Variants in RNF150 observed in about 807,000 individuals in gnomAD.
The protein encoded by RNF150 is ring finger protein 150.
A neutral mutation model predicts 39.3 loss-of-function variants in RNF150; 24 were observed. That is an observed-to-expected ratio of 0.61 (90% CI 0.44 to 0.86). The LOEUF is 0.86. Ranked by LOEUF, RNF150 falls within the 40% of genes least tolerant of loss-of-function variation. The probability of loss-of-function intolerance (pLI) is 0.00; values close to 1 mark genes in which losing one functional copy is unlikely to be tolerated. For synonymous variants in RNF150, 255 were observed against 227.3 expected, an observed-to-expected ratio of 1.12 and a Z score of -1.10; for missense variants, 502 against 587.8, an observed-to-expected ratio of 0.85 and a Z score of 1.51.
intron 1 of RNF150, among the ~76,000 whole-genome samples, chr4:141,085,178 C>T (rs561570102): frequency 2.5e-4 from 38 of 152,220 alleles, no homozygotes; most frequent in African/African-American, 7.0e-4. Context: ...TCTTACATGG[C>T]GGCAGGCAAG....
rs1490541645 is a variant in RNF150 at position 141,043,067 on chromosome 4, C to T, written c.485-75194G>A. On this transcript the variant is annotated intron_variant, in intron 1 of 6. Transcript: ENST00000515673. ...AAGTCATTTGTGGGAAATTCTTTGA[C>T]TTATTTTTATTGAAAAATATAATAT... 2.6e-5 allele frequency among the ~76,000 whole-genome samples: 4 copies of T among 152,070 alleles called. No homozygotes were observed. The South Asian group carries it at 8.3e-4, about 32-fold the overall frequency.
chr4:141,131,980 C>T (rs1163682935), intron 1 of RNF150, among the ~76,000 whole-genome samples: 1 of 152,114 alleles, frequency 6.6e-6, no homozygotes, highest in Non-Finnish European at 1.5e-5. Flanking sequence ...TGGTTCCAAA[C>T]AGGTGCTGGG....
At chr4:140,984,099 C>A (rs933643134) in intron 1 of RNF150, among the ~76,000 whole-genome samples, 1 of 151,994 alleles carries the variant, frequency 6.6e-6, no homozygotes, top group Admixed American at 6.6e-5. Context: ...TTTCCACTTG[C>A]GGTGTTATGT....
At chr4:141,075,183 T>C (rs1218972884) in intron 1 of RNF150, among the ~76,000 whole-genome samples, 1 of 152,204 alleles carries the variant, frequency 6.6e-6, no homozygotes. Context: ...AATCAGAAGA[T>C]ATGTATTTTA....
At chr4:141,128,071 T>C (rs535368749) in intron 1 of RNF150, among the ~76,000 whole-genome samples, 20 of 152,322 alleles carry the variant, frequency 1.3e-4, no homozygotes, top group African/African-American at 4.8e-4. Context: ...GCACCACTGC[T>C]CTGGCCTCTT....
At chr4:141,184,642 T>C (rs878939612) in intron 1 of RNF150, among the ~76,000 whole-genome samples, 1 of 152,104 alleles carries the variant, frequency 6.6e-6, no homozygotes, top group East Asian at 1.9e-4. Context: ...TTAGGTCTTA[T>C]GTTGAAATCT....
intron 1 of RNF150, among the ~76,000 whole-genome samples, chr4:141,064,495 T>G (rs1168567902): frequency 6.6e-6 from 1 of 152,138 alleles, no homozygotes; most frequent in Admixed American, 6.6e-5. Context: ...TCCAGCTACT[T>G]GGGAAGCTGA....
At chr4:141,107,237 C>T (rs1739241036) in intron 1 of RNF150, among the ~76,000 whole-genome samples, 1 of 152,156 alleles carries the variant, frequency 6.6e-6, no homozygotes, top group South Asian at 2.1e-4. Flanking sequence ...AGTGTGAATT[C>T]TAGTGCTACC....
At position 140,865,264 on chromosome 4, in the gene RNF150, T is replaced by C. The variant is rs540645520; in HGVS notation, c.*2997A>G. The C allele has an allele frequency of 6.6e-6, 1 of 152,370 alleles. No homozygotes were observed. Among genetic ancestry groups the C allele is most frequent in the East Asian group, 1.9e-4 (1 of 5,188 alleles). The allele number at this position is 152,370 out of a possible 1,614,324, so 9.4% of individuals were successfully genotyped here. On this transcript the variant is annotated 3_prime_UTR_variant, in exon 7 of 7. Transcript: ENST00000515673. ...AAAATTATCTTTACCTGTTTCTTTT[T>C]ACACTTTAAAATGTGGCTAGTAGAA...
chr4:140,956,397 T>C (rs1732755477), intron 2 of RNF150, among the ~76,000 whole-genome samples: 1 of 152,144 alleles, frequency 6.6e-6, no homozygotes, highest in South Asian at 2.1e-4. Flanking sequence ...CTGTCCATAG[T>C]GCACACTGGT....
At chr4:141,200,691 C>T (rs912961000) in intron 1 of RNF150, among the ~76,000 whole-genome samples, 1 of 152,094 alleles carries the variant, frequency 6.6e-6, no homozygotes, top group Non-Finnish European at 1.5e-5. Context: ...ACATTCAGTC[C>T]ATTGCAGGCT....
intron 1 of RNF150, among the ~76,000 whole-genome samples, chr4:141,074,356 A>G (rs570441067): frequency 6.6e-6 from 1 of 151,698 alleles, no homozygotes; most frequent in East Asian, 1.9e-4. Flanking sequence ...CACAGTCAGA[A>G]TGGGAAAGAG....
chr4:140,931,702 A>G (rs902056474), intron 4 of RNF150, among the ~76,000 whole-genome samples: 1 of 152,212 alleles, frequency 6.6e-6, no homozygotes, highest in African/African-American at 2.4e-5. Context: ...GAAATACAAC[A>G]AAGAGTTGGC....
intron 1 of RNF150, among the ~76,000 whole-genome samples, chr4:141,119,654 C>A (rs542562366): frequency 6.6e-6 from 1 of 152,170 alleles, no homozygotes; most frequent in Non-Finnish European, 1.5e-5. Flanking sequence ...GAAACACTGG[C>A]GTGATAATAG....
chr4:141,077,856 G>A (rs1054347190), intron 1 of RNF150, among the ~76,000 whole-genome samples: 1 of 152,226 alleles, frequency 6.6e-6, no homozygotes, highest in Non-Finnish European at 1.5e-5. Context: ...CTATGCCAGG[G>A]ATGGCCTTTG....
At chr4:141,201,825 A>G (rs1008062035) in intron 1 of RNF150, among the ~76,000 whole-genome samples, 2 of 152,146 alleles carry the variant, frequency 1.3e-5, no homozygotes, top group African/African-American at 4.8e-5. Flanking sequence ...ACCTTGTGCT[A>G]TGGTCTGAAT....
At position 140,911,162 on chromosome 4, in the gene RNF150, C is replaced by T. The variant is rs115535556; in HGVS notation, c.1180G>A (p.Val394Ile). 2.2e-3 allele frequency: 3,487 copies of T among 1,613,624 alleles called. 24 individuals carry two copies. Among genetic ancestry groups the T allele is most frequent in the African/African-American group, 0.017 (1,258 of 75,012 alleles). Residue 394 changes from valine to isoleucine, a missense_variant, in exon 6 of 7, where the codon GTC (valine) becomes ATC (isoleucine). Coordinates refer to ENST00000515673, the MANE Select transcript of RNF150 (RefSeq NM_020724.2). Reference protein sequence around the residue: ...DTDPIPQEGDVIFTTNSEQEP... With the variant: ...DTDPIPQEGDIIFTTNSEQEP... Reference sequence around the variant, plus strand: ...AACTCACTGTTAGTAGTAAAGATGACGTCTCCCTCCTGGGGGATGGGGTCT... The same window carrying T: ...AACTCACTGTTAGTAGTAAAGATGATGTCTCCCTCCTGGGGGATGGGGTCT...
At chr4:141,087,951 G>T (rs1045178660) in intron 1 of RNF150, among the ~76,000 whole-genome samples, 1 of 152,030 alleles carries the variant, frequency 6.6e-6, no homozygotes, top group Non-Finnish European at 1.5e-5. Context: ...CCCTTCATTT[G>T]AGGACATGTG....
intron 1 of RNF150, among the ~76,000 whole-genome samples, chr4:140,997,293 A>G (rs1734409616): frequency 6.6e-6 from 1 of 152,218 alleles, no homozygotes; most frequent in African/African-American, 2.4e-5. Context: ...TATACATACT[A>G]TCAAATATTT....
Sources: allele counts gnomAD v4.1 joint callset (sites outside exome capture counted in the v4.1 genomes callset), GRCh38; gene constraint gnomAD v4.1.1; transcripts MANE v1.5; gene names NCBI Gene and HGNC (gene_info 2026-07-23, HGNC 2026-07-21).